NEXMIF: variants seen among roughly 807,000 people sequenced by gnomAD.
NEXMIF encodes XLMR protein related to neurite extension.
In NEXMIF, 8 loss-of-function variants were observed where a neutral mutation model predicts 62.1. The ratio of observed to expected loss-of-function variants is 0.13; its 90% confidence interval spans 0.08 to 0.23. The LOEUF (loss-of-function observed/expected upper bound fraction) is 0.23, where lower values mean the gene tolerates loss of function less well. Among genes scored for constraint, NEXMIF ranks in the 10% least tolerant of loss-of-function variants. The probability of loss-of-function intolerance (pLI) is 1.00; values close to 1 mark genes in which losing one functional copy is unlikely to be tolerated. For synonymous variants in NEXMIF, 404 were observed against 416.6 expected, an observed-to-expected ratio of 0.97 and a Z score of 0.37; for missense variants, 976 against 1,113.3, an observed-to-expected ratio of 0.88 and a Z score of 1.75.
rs200945699 is a variant in NEXMIF, at chrX:74,742,014, G to A, written c.2543C>T (p.Thr848Ile). The A allele has an allele frequency of 2.5e-6, 3 of 1,210,055 alleles. No individual in the cohort carries two copies. Among genetic ancestry groups the A allele is most frequent in the Non-Finnish European group, 3.4e-6 (3 of 895,122 alleles). The stretch of plus-strand genomic sequence containing the variant: ...CTGGAGGGGTACAAATGATTTTTCG[G>A]TTTGAGTGAGGCTGCCTTCATTTTG... The part of the protein sequence containing the change: ...PEQNEGSLTQ[T>I]EKSFVPLQPT... The change falls in exon 3 of 4, where the codon ACC (threonine) becomes ATC (isoleucine). Residue 848 changes from threonine (T) to isoleucine (I), a missense_variant. Thr to Ile is a moderately conservative substitution (Grantham distance 89). Transcript: ENST00000055682.
At chrX:74,851,613 C>A (rs2080513862) in intron 1 of NEXMIF, among the ~76,000 whole-genome samples, 1 of 110,762 alleles carries the variant, frequency 9.0e-6, no homozygotes, top group Non-Finnish European at 1.9e-5. Context: ...TAACTGCCAG[C>A]CAAGGATACT....
chrX:74,925,448 GT>G lies in NEXMIF; in HGVS notation c.-614del. The G allele has an allele frequency of 5.4e-6, 1 of 184,059 alleles. No individual in the cohort carries two copies. Among genetic ancestry groups the G allele is most frequent in the Non-Finnish European group, 1.1e-5 (1 of 93,289 alleles). 15.2% of individuals were successfully genotyped at this position (184,059 alleles called of 1,213,427 possible). A position where few individuals can be genotyped will look rare whatever the true frequency, so the allele number is the denominator to read the frequency against. ...GCTGCTGCTGCTGCTGATGCTACTG[GT>G]TTTCCTTCCCAGGTTCTTCCCCTGC... is the stretch of plus-strand genomic sequence containing the variant. On this transcript the variant is annotated 5_prime_UTR_variant, in exon 1 of 4. Coordinates refer to ENST00000055682, the MANE Select transcript of NEXMIF (RefSeq NM_001008537.3).
intron 1 of NEXMIF, among the ~76,000 whole-genome samples, chrX:74,819,365 C>T (rs2080386842): frequency 9.0e-6 from 1 of 111,531 alleles, no homozygotes; most frequent in African/African-American, 3.3e-5. Flanking sequence ...AGCTTCTGCA[C>T]GGCAAAAGAA....
intron 1 of NEXMIF, among the ~76,000 whole-genome samples, chrX:74,811,952 C>T (rs190818977): frequency 2.7e-4 from 31 of 112,861 alleles, no homozygotes; most frequent in Non-Finnish European, 2.4e-4. Flanking sequence ...ATGATTTATT[C>T]CCATCTGAAC....
chrX:74,743,220 A>G lies in NEXMIF; in HGVS notation c.1337T>C (p.Ile446Thr), dbSNP rs1323383695. The G allele has an allele frequency of 3.3e-6, 4 of 1,209,204 alleles. No individual in the cohort carries two copies. Among genetic ancestry groups the G allele is most frequent in the African/African-American group, 3.5e-5 (2 of 57,049 alleles). The change falls in exon 3 of 4, where the codon ATT (isoleucine) becomes ACT (threonine). Residue 446 changes from isoleucine (I) to threonine (T), a missense_variant. Ile to Thr is a moderately conservative substitution (Grantham distance 89). Coordinates refer to ENST00000055682, the MANE Select transcript of NEXMIF (RefSeq NM_001008537.3). ...SGSFSDDSSF[I>T]EISYDAMGEI... Reference sequence around the variant, plus strand: ...ACCCATAGCATCATATGAGATCTCAATGAAGGAACTATCATCACTGAAACT... The same window carrying G: ...ACCCATAGCATCATATGAGATCTCAGTGAAGGAACTATCATCACTGAAACT...
intron 1 of NEXMIF, among the ~76,000 whole-genome samples, chrX:74,865,154 G>A (rs1405438064): frequency 8.9e-6 from 1 of 112,093 alleles, no homozygotes; most frequent in East Asian, 2.8e-4. Context: ...AGTTTGGAGT[G>A]CTCATAAGAA....
chrX:74,790,115 C>G (rs1282279032), intron 1 of NEXMIF, among the ~76,000 whole-genome samples: 3 of 105,135 alleles, frequency 2.9e-5, no homozygotes, highest in Non-Finnish European at 5.9e-5. Context: ...TTAGGTCTAA[C>G]GTTTAACTCT....
chrX:74,821,953 G>A (rs776388387), intron 1 of NEXMIF, among the ~76,000 whole-genome samples: 10 of 111,612 alleles, frequency 9.0e-5, no homozygotes, highest in Non-Finnish European at 1.9e-4. Context: ...GTTTTGCCAC[G>A]TAGCTCAGGC....
At chrX:74,752,182 TAA>T (rs1011197140) in intron 1 of NEXMIF, among the ~76,000 whole-genome samples, 14 of 111,956 alleles carry the variant, frequency 1.3e-4, no homozygotes, top group African/African-American at 4.5e-4. Context: ...AATTCTGATT[TAA>T]GTTTTGTGTG....
chrX:74,839,277 C>T (rs1460234631), intron 1 of NEXMIF, among the ~76,000 whole-genome samples: 1 of 111,786 alleles, frequency 8.9e-6, no homozygotes, highest in South Asian at 3.8e-4. Flanking sequence ...GTATTCAATG[C>T]CTACTTAAAA....
intron 1 of NEXMIF, among the ~76,000 whole-genome samples, chrX:74,879,536 A>T (rs1323953637): frequency 8.9e-6 from 1 of 112,426 alleles, no homozygotes; most frequent in Non-Finnish European, 1.9e-5. Flanking sequence ...TCATTTAAAG[A>T]TCAAGGCTGT....
At chrX:74,838,246 A>G (rs974396339) in intron 1 of NEXMIF, among the ~76,000 whole-genome samples, 3 of 111,711 alleles carry the variant, frequency 2.7e-5, no homozygotes, top group African/African-American at 9.8e-5. Flanking sequence ...GATCCAAACA[A>G]TCTGGGTGAT....
intron 1 of NEXMIF, among the ~76,000 whole-genome samples, chrX:74,748,662 G>T (rs2080133039): frequency 8.9e-6 from 1 of 112,013 alleles, no homozygotes; most frequent in Admixed American, 9.5e-5. Context: ...GTATTTTGAA[G>T]CAAGGAAATG....
chrX:74,771,473 T>C (rs752681409), intron 1 of NEXMIF, among the ~76,000 whole-genome samples: 8 of 111,604 alleles, frequency 7.2e-5, no homozygotes, highest in African/African-American at 1.3e-4. Flanking sequence ...CAGGGCTTAG[T>C]AGTTTAGTTT....
chrX:74,858,682 G>C (rs940368171), intron 1 of NEXMIF, among the ~76,000 whole-genome samples: 1 of 111,126 alleles, frequency 9.0e-6, no homozygotes, highest in Admixed American at 9.6e-5. Context: ...AACTAAATTA[G>C]GCACCAGGGG....
chrX:74,914,904 G>A (rs1199660242), intron 1 of NEXMIF, among the ~76,000 whole-genome samples: 1 of 111,912 alleles, frequency 8.9e-6, no homozygotes, highest in Non-Finnish European at 1.9e-5. Flanking sequence ...ATAGATCTCA[G>A]GGCATTACGC....
chrX:74,887,995 A>G (rs1253255569), intron 1 of NEXMIF, among the ~76,000 whole-genome samples: 1 of 111,034 alleles, frequency 9.0e-6, no homozygotes, highest in Non-Finnish European at 1.9e-5. Flanking sequence ...TGTCCTTTGT[A>G]GGGACATGGA....
At chrX:74,825,861 T>A (rs2080414880) in intron 1 of NEXMIF, among the ~76,000 whole-genome samples, 1 of 112,761 alleles carries the variant, frequency 8.9e-6, no homozygotes, top group Non-Finnish European at 1.9e-5. Context: ...ATGATCTTGT[T>A]CTTTTTTATG....
intron 1 of NEXMIF, among the ~76,000 whole-genome samples, chrX:74,797,947 A>G (rs959140725): frequency 2.7e-5 from 3 of 112,317 alleles, no homozygotes; most frequent in Non-Finnish European, 5.6e-5. Flanking sequence ...TTCTCCGGGA[A>G]ATGAGGGCAA....
Sources: gnomAD v4.1 joint callset for allele counts (sites outside exome capture counted in the v4.1 genomes callset) on GRCh38, gnomAD v4.1.1 for gene constraint, MANE v1.5 for transcripts, NCBI Gene and HGNC (gene_info 2026-07-23, HGNC 2026-07-21) for gene names.